ENTPD6: variants seen among roughly 807,000 people sequenced by gnomAD.
ENTPD6 encodes the protein ectonucleoside triphosphate diphosphohydrolase 6, also known as CD39 antigen-like 2.
ENTPD6 carries 46 observed loss-of-function variants against 61.5 expected under a neutral mutation model. The observed-to-expected ratio is 0.75, with a 90% CI of 0.59 to 0.96. ENTPD6 has a LOEUF of 0.96. ENTPD6 is among the 40% of genes least tolerant of loss of function. The probability of loss-of-function intolerance (pLI) is 0.00; values close to 1 mark genes in which losing one functional copy is unlikely to be tolerated. For missense variants in ENTPD6, 612 were observed against 629.0 expected (o/e 0.97, Z 0.29); for synonymous variants, 252 against 255.5 (o/e 0.99, Z 0.13).
intron 1 of ENTPD6, among the ~76,000 whole-genome samples, chr20:25,202,347 T>G (rs2091112068): frequency 6.6e-6 from 1 of 152,200 alleles, no homozygotes; most frequent in Non-Finnish European, 1.5e-5. Context: ...ATTCTGTCAA[T>G]CTGTGTCTCT....
intron 1 of ENTPD6, among the ~76,000 whole-genome samples, chr20:25,199,648 C>A (rs1163714639): frequency 6.6e-6 from 1 of 152,170 alleles, no homozygotes; most frequent in African/African-American, 2.4e-5. Flanking sequence ...TCCTCCTCAC[C>A]CACTGCCCTC....
At position 25,221,393 on chromosome 20, in the gene ENTPD6, C is replaced by G. The variant is rs764746221; in HGVS notation, c.1045+60C>G. 2.1e-5 allele frequency: 27 copies of G among 1,283,738 alleles called. 1 individual carries two copies. The highest frequency in any genetic ancestry group is 2.0e-4 in the South Asian group (17 of 83,218). 79.5% of individuals were successfully genotyped at this position (1,283,738 alleles called of 1,614,324 possible). Reference sequence around the variant, plus strand: ...GGTGAGAGTGGTGGCCTCCTCTCCCCCTTGCCTTTCCCACATCCCATGGGA... The same window carrying G: ...GGTGAGAGTGGTGGCCTCCTCTCCCGCTTGCCTTTCCCACATCCCATGGGA... On this transcript the variant is annotated intron_variant, in intron 11 of 14. Coordinates refer to ENST00000376652, the MANE Select transcript of ENTPD6 (RefSeq NM_001247.5).
intron 5 of ENTPD6, among the ~76,000 whole-genome samples, chr20:25,214,103 G>A (rs1174399565): frequency 1.3e-5 from 2 of 152,186 alleles, no homozygotes; most frequent in African/African-American, 2.4e-5. Context: ...CGTGACTGTC[G>A]AAGGGACCCT....
chr20:25,221,242 A>G lies in ENTPD6; in HGVS notation c.954A>G (p.Gly318=), dbSNP rs774688646. 1.2e-6 allele frequency: 2 copies of G among 1,613,262 alleles called. No homozygotes were observed. The highest frequency in any genetic ancestry group is 2.2e-5 in the South Asian group (2 of 91,054). ...GGVEGQPAKD[G]KELVSPCLSP... ...TAATCTCTGTTTCAGCTAAGGATGG[A>G]AAGGAGTTGGTCAGCCCTTGCTTGT... The change falls in exon 11 of 15, where the codon GGA becomes GGG. Residue 318 remains glycine (G), a synonymous_variant. Transcript: ENST00000376652.
rs960337652 is a variant in ENTPD6, at chr20:25,221,602, C to T, written c.1045+269C>T. ...GAGGGCTGATTTCCTAACAGGCCTGCAGGGAGGAAGGACTGGACCAGCTTG... is the reference window on the plus strand; with the variant it reads ...GAGGGCTGATTTCCTAACAGGCCTGTAGGGAGGAAGGACTGGACCAGCTTG... On this transcript the variant is annotated intron_variant, in intron 11 of 14. Coordinates refer to ENST00000376652, the MANE Select transcript of ENTPD6 (RefSeq NM_001247.5). 9 of 483,074 alleles carry T rather than the reference C, an allele frequency of 1.9e-5. No individual in the cohort carries two copies. In the Admixed American group the frequency reaches 2.5e-4, roughly 14 times the overall value. The allele number at this position is 483,074 out of a possible 1,614,324, so 29.9% of individuals were successfully genotyped here.
At chr20:25,201,252 G>A (rs1386023479) in intron 1 of ENTPD6, among the ~76,000 whole-genome samples, 3 of 152,126 alleles carry the variant, frequency 2.0e-5, no homozygotes, top group African/African-American at 4.8e-5. Flanking sequence ...CATGCAGGGC[G>A]CTCCGTTACA....
intron 1 of ENTPD6, chr20:25,197,337 T>A: frequency 1.3e-6 from 1 of 791,086 alleles, no homozygotes; most frequent in Non-Finnish European, 1.5e-6. Flanking sequence ...CTCCACCTGC[T>A]GGAGGGTGGC....
At chr20:25,195,981 C>A in intron 1 of ENTPD6, 114 bp downstream of exon 1, 1 of 948,130 alleles carries the variant, frequency 1.1e-6, no homozygotes, top group Non-Finnish European at 1.4e-6. Context: ...TCACTCGCAC[C>A]CCGGGTCCCA....
intron 9 of ENTPD6, 106 bp from the exon 10 acceptor site, chr20:25,218,444 T>C (rs1026788017): frequency 2.9e-6 from 3 of 1,020,822 alleles, no homozygotes; most frequent in Non-Finnish European, 4.4e-6. Flanking sequence ...ACTAACTGCC[T>C]TGCTGCAAGC....
At position 25,221,366 on chromosome 20, in the gene ENTPD6, C is replaced by G. The variant is rs369471670; in HGVS notation, c.1045+33C>G. The G allele has an allele frequency of 2.5e-5, 39 of 1,542,864 alleles. No homozygotes were observed. In the Admixed American group the frequency reaches 6.5e-4, roughly 26 times the overall value. On this transcript the variant is annotated intron_variant, in intron 11 of 14. Coordinates refer to ENST00000376652, the MANE Select transcript of ENTPD6 (RefSeq NM_001247.5). Reference sequence around the variant, plus strand: ...GAGGGTTGCTGCCTGTTGGTTTCTGCGGGTGAGAGTGGTGGCCTCCTCTCC... The same window carrying G: ...GAGGGTTGCTGCCTGTTGGTTTCTGGGGGTGAGAGTGGTGGCCTCCTCTCC...
At chr20:25,205,367 G>A (rs758716666) in intron 1 of ENTPD6, among the ~76,000 whole-genome samples, 9 of 152,180 alleles carry the variant, frequency 5.9e-5, no homozygotes, top group South Asian at 2.1e-4. Flanking sequence ...CCAGTGTGGT[G>A]GGACAAGTAT....
At chr20:25,210,213 C>T (rs2091866555) in intron 4 of ENTPD6, among the ~76,000 whole-genome samples, 1 of 152,222 alleles carries the variant, frequency 6.6e-6, no homozygotes, top group East Asian at 1.9e-4. Flanking sequence ...ACAAATCCTG[C>T]AAACTTACAA....
intron 1 of ENTPD6, among the ~76,000 whole-genome samples, chr20:25,199,944 T>A (rs2090897162): frequency 6.6e-6 from 1 of 152,260 alleles, no homozygotes; most frequent in South Asian, 2.1e-4. Flanking sequence ...CTTCAGTGAA[T>A]GTGAGTGTGT....
chr20:25,212,260 G>A (rs1341223392), intron 4 of ENTPD6, among the ~76,000 whole-genome samples: 2 of 152,202 alleles, frequency 1.3e-5, no homozygotes, highest in Non-Finnish European at 2.9e-5. Flanking sequence ...CACTCTGGCA[G>A]GTGAAGTGGC....
chr20:25,208,555 T>C (rs902176405), intron 3 of ENTPD6, among the ~76,000 whole-genome samples: 5 of 152,236 alleles, frequency 3.3e-5, no homozygotes, highest in Non-Finnish European at 7.3e-5. Flanking sequence ...TTTGGAGCCA[T>C]GTCCCAGGGT....
intron 1 of ENTPD6, among the ~76,000 whole-genome samples, chr20:25,202,988 T>C (rs981361229): frequency 6.6e-6 from 1 of 152,260 alleles, no homozygotes; most frequent in African/African-American, 2.4e-5. Flanking sequence ...CATCTTTTAT[T>C]AATCTGGAAG....
chr20:25,215,438 C>T (rs931881636), intron 6 of ENTPD6, among the ~76,000 whole-genome samples: 10 of 152,154 alleles, frequency 6.6e-5, no homozygotes, highest in East Asian at 1.9e-4. Flanking sequence ...AGAGGAGAGA[C>T]GCAGCATTTG....
At chr20:25,206,676 G>T in intron 2 of ENTPD6, 86 bp downstream of exon 2, 1 of 981,342 alleles carries the variant, frequency 1.0e-6, no homozygotes. Flanking sequence ...GTATAACTGA[G>T]GATTGAAAGA....
In ENTPD6 at chr20:25,196,880, T is replaced by C. The variant is rs148924272; in HGVS notation, c.-16+1013T>C. On this transcript the variant is annotated intron_variant, in intron 1 of 14. Transcript: ENST00000376652. Reference sequence around the variant, plus strand: ...AGAGAGTGGCTGGCTAGTGTGTGTGTCGTCTGCCTCCTGAAGGTTCGGGTA... The same window carrying C: ...AGAGAGTGGCTGGCTAGTGTGTGTGCCGTCTGCCTCCTGAAGGTTCGGGTA... 6.3e-3 allele frequency among the ~76,000 whole-genome samples: 955 copies of C among 152,274 alleles called. 10 individuals are homozygous for C. The highest frequency in any genetic ancestry group is 0.021 in the African/African-American group (886 of 41,536).
Sources: gnomAD v4.1 joint callset for allele counts (sites outside exome capture counted in the v4.1 genomes callset) on GRCh38, gnomAD v4.1.1 for gene constraint, MANE v1.5 for transcripts, NCBI Gene and HGNC (gene_info 2026-07-23, HGNC 2026-07-21) for gene names.